Variants in BRINP3 observed in about 807,000 individuals in gnomAD.
The protein encoded by BRINP3 is BMP/retinoic acid inducible neural specific 3, also known as BMP/retinoic acid-inducible neural-specific protein 3.
Under a neutral mutation model 71.0 loss-of-function variants are expected in BRINP3, and 19 were observed. The observed-to-expected ratio is 0.27, with a 90% confidence interval of 0.19 to 0.39. BRINP3 has a LOEUF of 0.39. BRINP3 is among the 10% of genes least tolerant of loss of function. The pLI, the probability that BRINP3 is intolerant of heterozygous loss-of-function variation, is 1.00. For missense variants in BRINP3, 959 were observed against 940.8 expected (o/e 1.02, Z -0.25); for synonymous variants, 380 against 337.7 (o/e 1.13, Z -1.37).
At chr1:190,177,311 C>T (rs1304270049) in intron 6 of BRINP3, among the ~76,000 whole-genome samples, 1 of 149,650 alleles carries the variant, frequency 6.7e-6, no homozygotes, top group Admixed American at 6.7e-5. Context: ...TACAGGCGCC[C>T]ATTACCATGC....
At chr1:190,168,441 G>T (rs1014130493) in intron 6 of BRINP3, among the ~76,000 whole-genome samples, 1 of 152,096 alleles carries the variant, frequency 6.6e-6, no homozygotes, top group Non-Finnish European at 1.5e-5. Flanking sequence ...GGAAATCAGA[G>T]TGTGGTCTTA....
chr1:190,450,011 T>C (rs1675499185), intron 2 of BRINP3, among the ~76,000 whole-genome samples: 1 of 152,186 alleles, frequency 6.6e-6, no homozygotes, highest in East Asian at 1.9e-4. Context: ...AAAAATATTT[T>C]CTGCTTCTTT....
intron 7 of BRINP3, among the ~76,000 whole-genome samples, chr1:190,102,651 G>A (rs1651799776): frequency 6.6e-6 from 1 of 152,050 alleles, no homozygotes; most frequent in Non-Finnish European, 1.5e-5. Flanking sequence ...TAAGGAAAGG[G>A]AGGGGATAAA....
intron 6 of BRINP3, among the ~76,000 whole-genome samples, chr1:190,167,164 C>T (rs547220072): frequency 2.0e-5 from 3 of 151,930 alleles, no homozygotes; most frequent in African/African-American, 4.8e-5. Context: ...TGAATTTATC[C>T]GATTAAGTGA....
At chr1:190,348,385 C>T (rs1668159726) in intron 2 of BRINP3, among the ~76,000 whole-genome samples, 1 of 152,060 alleles carries the variant, frequency 6.6e-6, no homozygotes, top group Non-Finnish European at 1.5e-5. Context: ...AAATGTTCTA[C>T]TAGTAACTAA....
intron 4 of BRINP3, among the ~76,000 whole-genome samples, chr1:190,235,906 C>T (rs960994075): frequency 2.0e-5 from 3 of 151,942 alleles, no homozygotes; most frequent in African/African-American, 7.2e-5. Flanking sequence ...TGACACCTCT[C>T]ACTAGAATGA....
At chr1:190,261,970 C>T (rs571155832) in intron 4 of BRINP3, among the ~76,000 whole-genome samples, 1 of 152,300 alleles carries the variant, frequency 6.6e-6, no homozygotes, top group Non-Finnish European at 1.5e-5. Context: ...CACATCTACT[C>T]AGTTCCTCAT....
rs76406699 is a variant in BRINP3, at chr1:190,354,771, GTT to G, written c.237-73023_237-73022del. Among the ~76,000 whole-genome samples the G allele has an allele frequency of 3.1e-4, 38 of 124,206 alleles. 1 individual carries two copies. Among genetic ancestry groups the G allele is most frequent in the African/African-American group, 1.0e-3 (35 of 34,352 alleles). 81.5% of individuals were successfully genotyped at this position (124,206 alleles called of 152,430 possible). On this transcript the variant is annotated intron_variant, in intron 2 of 7. Transcript: ENST00000367462. ...CCGTCTCTTAAAAGGTCTTCTAAGT[GTT>G]TTTTTTTTTTTTTCCTATTTAAACT...
intron 4 of BRINP3, among the ~76,000 whole-genome samples, chr1:190,240,060 A>T (rs545929308): frequency 9.2e-5 from 14 of 151,752 alleles, no homozygotes; most frequent in African/African-American, 2.4e-4. Flanking sequence ...ATTATCTTCT[A>T]TTTATTAGAT....
At chr1:190,392,216 T>C (rs767725922) in intron 2 of BRINP3, among the ~76,000 whole-genome samples, 37 of 151,666 alleles carry the variant, frequency 2.4e-4, no homozygotes, top group Admixed American at 4.6e-4. Flanking sequence ...ACTAAAGTAA[T>C]AAAATACCTT....
intron 4 of BRINP3, among the ~76,000 whole-genome samples, chr1:190,243,032 C>T (rs184405266): frequency 1.3e-5 from 2 of 152,196 alleles, no homozygotes; most frequent in East Asian, 3.9e-4. Context: ...AATACACAAG[C>T]ACACCACCCT....
intron 6 of BRINP3, among the ~76,000 whole-genome samples, chr1:190,172,064 G>C (rs1259726334): frequency 6.6e-6 from 1 of 150,580 alleles, no homozygotes; most frequent in Non-Finnish European, 1.5e-5. Flanking sequence ...TTGCACCACT[G>C]CACTCCAACT....
At chr1:190,467,888 T>G (rs552477251) in intron 1 of BRINP3, among the ~76,000 whole-genome samples, 65 of 151,630 alleles carry the variant, frequency 4.3e-4, no homozygotes, top group African/African-American at 1.5e-3. Flanking sequence ...ATCACTCAAA[T>G]TTTGAAAAGA....
intron 3 of BRINP3, among the ~76,000 whole-genome samples, chr1:190,265,341 A>G (rs981366501): frequency 2.0e-5 from 3 of 151,856 alleles, no homozygotes; most frequent in Admixed American, 6.6e-5. Flanking sequence ...TTAGCATAAC[A>G]CTCATATGGT....
intron 6 of BRINP3, among the ~76,000 whole-genome samples, chr1:190,204,765 T>C (rs1655345792): frequency 1.3e-5 from 2 of 152,128 alleles, no homozygotes; most frequent in South Asian, 4.1e-4. Context: ...ATTGTAACGA[T>C]GTTTGAGAAC....
intron 6 of BRINP3, among the ~76,000 whole-genome samples, chr1:190,167,596 C>T (rs550890955): frequency 4.2e-4 from 64 of 152,196 alleles, no homozygotes; most frequent in South Asian, 2.5e-3. Flanking sequence ...TGTAGGGCTT[C>T]AAAACAAGCT....
intron 6 of BRINP3, among the ~76,000 whole-genome samples, chr1:190,219,669 C>T (rs1398436146): frequency 6.6e-6 from 1 of 151,776 alleles, no homozygotes; most frequent in Admixed American, 6.6e-5. Context: ...GAAACCCTGT[C>T]TCTACTAAAA....
intron 6 of BRINP3, among the ~76,000 whole-genome samples, chr1:190,192,443 G>A (rs577423549): frequency 1.5e-4 from 22 of 151,206 alleles, no homozygotes; most frequent in African/African-American, 3.4e-4. Context: ...AAATGTAATC[G>A]AAAAAATTAA....
chr1:190,333,622 A>G (rs1290820281), intron 2 of BRINP3, among the ~76,000 whole-genome samples: 1 of 151,920 alleles, frequency 6.6e-6, no homozygotes, highest in Non-Finnish European at 1.5e-5. Context: ...ATTTTACACT[A>G]TTTTTATCAC....
Sources: gnomAD v4.1 joint callset for allele counts (sites outside exome capture counted in the v4.1 genomes callset) on GRCh38, gnomAD v4.1.1 for gene constraint, MANE v1.5 for transcripts, NCBI Gene and HGNC (gene_info 2026-07-23, HGNC 2026-07-21) for gene names.